Variants in CCDC148 observed in about 807,000 individuals in gnomAD.
CCDC148 encodes the protein coiled-coil domain containing 148.
Under a neutral mutation model 85.7 loss-of-function variants are expected in CCDC148, and 89 were observed. The ratio of observed to expected loss-of-function variants is 1.04; its 90% CI spans 0.87 to 1.24. The LOEUF (loss-of-function observed/expected upper bound fraction) is 1.24. Ranked by LOEUF, CCDC148 falls within the 50% of genes most tolerant of loss-of-function variation. The probability of loss-of-function intolerance (pLI) is 0.00; values close to 1 mark genes in which losing one functional copy is unlikely to be tolerated. For synonymous variants in CCDC148, 230 were observed against 213.9 expected, an observed-to-expected ratio of 1.08 and a Z score of -0.66; for missense variants, 692 against 671.7, an observed-to-expected ratio of 1.03 and a Z score of -0.33.
At chr2:158,240,779 A>G (rs1521856) in intron 10 of CCDC148, among the ~76,000 whole-genome samples, 50,296 of 152,012 alleles carry the variant, frequency 0.33, 10,063 homozygotes, top group South Asian at 0.6. Flanking sequence ...ATATCCTGCA[A>G]TTCCTACAGT....
intron 11 of CCDC148, among the ~76,000 whole-genome samples, chr2:158,212,406 T>G (rs1686627256): frequency 6.6e-6 from 1 of 152,226 alleles, no homozygotes; most frequent in South Asian, 2.1e-4. Flanking sequence ...CAATACAACA[T>G]GTCGAAATTT....
intron 13 of CCDC148, among the ~76,000 whole-genome samples, chr2:158,172,832 T>C (rs1684382670): frequency 6.6e-6 from 1 of 152,084 alleles, no homozygotes; most frequent in Non-Finnish European, 1.5e-5. Context: ...TGTTTTCATT[T>C]ATAGCTGATT....
chr2:158,392,779 T>C (rs527660428), intron 1 of CCDC148, among the ~76,000 whole-genome samples: 3 of 152,268 alleles, frequency 2.0e-5, no homozygotes, highest in Non-Finnish European at 4.4e-5. Context: ...ATCTATATTT[T>C]AAATTATCTG....
intron 9 of CCDC148, among the ~76,000 whole-genome samples, chr2:158,278,987 G>T (rs1424858144): frequency 6.6e-6 from 1 of 152,220 alleles, no homozygotes; most frequent in Non-Finnish European, 1.5e-5. Flanking sequence ...CCACTGTTCT[G>T]CAGACACCAC....
chr2:158,414,250 C>G (rs1341407315), intron 1 of CCDC148, among the ~76,000 whole-genome samples: 3 of 151,888 alleles, frequency 2.0e-5, no homozygotes, highest in Non-Finnish European at 1.5e-5. Flanking sequence ...TACAAATAAG[C>G]CCAAAGAAAA....
rs2105320693 is a variant in CCDC148 at position 158,240,916 on chromosome 2, G to A, written c.1251+9856C>T. Among the ~76,000 whole-genome samples the A allele has an allele frequency of 2.0e-5, 3 of 152,284 alleles. 1 individual carries two copies. In the East Asian group the frequency reaches 5.8e-4, roughly 29 times the overall value. ...TACTCTAAGGCCTGAACTTTGATTA[G>A]CTATAGCAAAACTAATCACTTCTGT... On this transcript the variant is annotated intron_variant, in intron 10 of 13. Transcript: ENST00000283233.
intron 11 of CCDC148, among the ~76,000 whole-genome samples, chr2:158,204,361 A>G (rs1263466481): frequency 6.6e-6 from 1 of 152,170 alleles, no homozygotes; most frequent in Non-Finnish European, 1.5e-5. Context: ...TGGGCCTTAT[A>G]ATTACTTTGA....
At chr2:158,451,586 C>T (rs1413535953) in intron 1 of CCDC148, among the ~76,000 whole-genome samples, 1 of 151,894 alleles carries the variant, frequency 6.6e-6, no homozygotes, top group Non-Finnish European at 1.5e-5. Flanking sequence ...AATGATTCTA[C>T]CCTGAAAAAA....
At chr2:158,191,794 T>A (rs1685436779) in intron 11 of CCDC148, among the ~76,000 whole-genome samples, 1 of 151,952 alleles carries the variant, frequency 6.6e-6, no homozygotes. Flanking sequence ...GGAATCACTG[T>A]TCCTTTTTTT....
In CCDC148 at chr2:158,240,450, T is replaced by A. The variant is rs368486547; in HGVS notation, c.1251+10322A>T. Among the ~76,000 whole-genome samples the A allele has an allele frequency of 6.0e-4, 56 of 92,572 alleles. 1 individual carries two copies. Among genetic ancestry groups the A allele is most frequent in the Admixed American group, 1.7e-3 (14 of 8,160 alleles). 60.7% of individuals were successfully genotyped at this position (92,572 alleles called of 152,430 possible). ...CACTCTCTCTTTCTCTCTCTCTCTCTCTCACACACACACACACACACACAC... is the reference window on the plus strand; with the variant it reads ...CACTCTCTCTTTCTCTCTCTCTCTCACTCACACACACACACACACACACAC... On this transcript the variant is annotated intron_variant, in intron 10 of 13. Coordinates refer to ENST00000283233, the MANE Select transcript of CCDC148 (RefSeq NM_138803.4).
intron 9 of CCDC148, among the ~76,000 whole-genome samples, chr2:158,283,758 C>T (rs1690466079): frequency 6.6e-6 from 1 of 151,838 alleles, no homozygotes; most frequent in African/African-American, 2.4e-5. Context: ...CCATTTGACC[C>T]AGCCATCCCA....
chr2:158,396,545 G>T (rs1685530225), intron 1 of CCDC148, among the ~76,000 whole-genome samples: 1 of 152,096 alleles, frequency 6.6e-6, no homozygotes. Context: ...ATTCCAGAAT[G>T]TGGAACAGTG....
At chr2:158,330,164 T>G (rs1237734494) in intron 7 of CCDC148, among the ~76,000 whole-genome samples, 3 of 152,208 alleles carry the variant, frequency 2.0e-5, no homozygotes, top group African/African-American at 7.2e-5. Flanking sequence ...TAGCTCTTAT[T>G]ATTTTGAGAT....
At chr2:158,235,694 C>A (rs964791629) in intron 10 of CCDC148, 1 of 152,130 alleles carries the variant, frequency 6.6e-6, no homozygotes, top group Non-Finnish European at 1.5e-5. Context: ...ATCTTTTATT[C>A]TTTTACTGAC....
At chr2:158,444,963 C>T (rs1688101318) in intron 1 of CCDC148, among the ~76,000 whole-genome samples, 1 of 151,736 alleles carries the variant, frequency 6.6e-6, no homozygotes, top group South Asian at 2.1e-4. Context: ...GAGTTCTTTC[C>T]TGATATAAAC....
intron 1 of CCDC148, among the ~76,000 whole-genome samples, chr2:158,387,830 G>C (rs913774554): frequency 6.6e-6 from 1 of 152,038 alleles, no homozygotes; most frequent in Non-Finnish European, 1.5e-5. Flanking sequence ...CCCATATCAG[G>C]CCGCCCTTAC....
intron 1 of CCDC148, among the ~76,000 whole-genome samples, chr2:158,374,402 T>C (rs1684572127): frequency 6.6e-6 from 1 of 151,944 alleles, no homozygotes; most frequent in Admixed American, 6.6e-5. Flanking sequence ...AATAATGTAG[T>C]TTTACCTCCA....
intron 1 of CCDC148, among the ~76,000 whole-genome samples, chr2:158,386,078 A>G (rs1685073682): frequency 6.6e-6 from 1 of 152,102 alleles, no homozygotes; most frequent in Admixed American, 6.6e-5. Flanking sequence ...TTTAGCAACA[A>G]TATGAAGCAT....
chr2:158,371,103 G>C (rs532958182), intron 1 of CCDC148, among the ~76,000 whole-genome samples: 1 of 151,862 alleles, frequency 6.6e-6, no homozygotes, highest in South Asian at 2.1e-4. Context: ...ACTATATTCT[G>C]GGAAAACACT....
Sources: allele counts gnomAD v4.1 joint callset (sites outside exome capture counted in the v4.1 genomes callset), GRCh38; gene constraint gnomAD v4.1.1; transcripts MANE v1.5; gene names NCBI Gene and HGNC (gene_info 2026-07-23, HGNC 2026-07-21).